Variants in UGT1A6 observed in about 807,000 individuals in gnomAD.
UGT1A6 encodes the protein UDP glucuronosyltransferase family 1 member A6.
Under a neutral mutation model 44.4 loss-of-function variants are expected in UGT1A6, and 32 were observed. The ratio of observed to expected loss-of-function variants is 0.72; its 90% CI spans 0.54 to 0.97. The LOEUF is 0.97. Among genes scored for constraint, UGT1A6 ranks in the 50% least tolerant of loss-of-function variants. The pLI, the probability that UGT1A6 is intolerant of heterozygous loss-of-function variation, is 0.00. For missense variants in UGT1A6, 685 were observed against 661.9 expected, an observed-to-expected ratio of 1.03 and a Z score of -0.38; for synonymous variants, 238 against 248.5, an observed-to-expected ratio of 0.96 and a Z score of 0.40.
At chr2:233,743,706 C>G in intron 1 of UGT1A6, 1 of 1,367,368 alleles carries the variant, frequency 7.3e-7, no homozygotes, top group Non-Finnish European at 9.8e-7. Context: ...TCCGCCCCCG[C>G]CTCGCCATAG....
intron 1 of UGT1A6, among the ~76,000 whole-genome samples, chr2:233,761,928 C>A (rs183537343): frequency 6.6e-6 from 1 of 152,346 alleles, no homozygotes; most frequent in Non-Finnish European, 1.5e-5. Flanking sequence ...AGCCCAGGCA[C>A]TTCCCAGGTG....
At chr2:233,754,520 T>C in intron 1 of UGT1A6, 1 of 365,678 alleles carries the variant, frequency 2.7e-6, no homozygotes, top group East Asian at 7.3e-5. Flanking sequence ...CAGATGTGCT[T>C]AAAGGCAAAT....
At chr2:233,764,847 C>G (rs1361860386) in intron 1 of UGT1A6, among the ~76,000 whole-genome samples, 2 of 147,962 alleles carry the variant, frequency 1.4e-5, no homozygotes, top group Non-Finnish European at 3.0e-5. Flanking sequence ...ATGACTCTGT[C>G]CTCCCTGACT....
chr2:233,693,000 C>G lies in UGT1A6; in HGVS notation c.-5C>G, dbSNP rs879529755. On this transcript the variant is annotated 5_prime_UTR_variant, in exon 1 of 5. Transcript: ENST00000305139. Reference sequence around the variant, plus strand: ...ATTACCGTTGTTACTTTAACTCTTTCCAGGATGGCCTGCCTCCTTCGCTCA... The same window carrying G: ...ATTACCGTTGTTACTTTAACTCTTTGCAGGATGGCCTGCCTCCTTCGCTCA... 4.3e-6 allele frequency: 7 copies of G among 1,613,882 alleles called. No individual in the cohort carries two copies. Among genetic ancestry groups the G allele is most frequent in the Non-Finnish European group, 5.9e-6 (7 of 1,179,994 alleles).
At chr2:233,751,292 A>C (rs1369040584) in intron 1 of UGT1A6, among the ~76,000 whole-genome samples, 1 of 151,886 alleles carries the variant, frequency 6.6e-6, no homozygotes, top group East Asian at 1.9e-4. Flanking sequence ...TCCCATTTGG[A>C]ATGGGAATAT....
intron 1 of UGT1A6, among the ~76,000 whole-genome samples, chr2:233,735,057 C>A (rs1430672120): frequency 1.3e-5 from 2 of 152,160 alleles, no homozygotes; most frequent in African/African-American, 4.8e-5. Flanking sequence ...GAGTTCAGGT[C>A]CTGGATATCC....
At chr2:233,732,882 T>A (rs2078332134) in intron 1 of UGT1A6, among the ~76,000 whole-genome samples, 1 of 152,004 alleles carries the variant, frequency 6.6e-6, no homozygotes, top group African/African-American at 2.4e-5. Context: ...TGGCATTGAA[T>A]CTATAAATTA....
chr2:233,729,302 T>A, intron 1 of UGT1A6: 1 of 1,614,250 alleles, frequency 6.2e-7, no homozygotes, highest in Non-Finnish European at 8.5e-7. Context: ...CACCAGGCAG[T>A]GGTCCTCACC....
At position 233,773,226 on chromosome 2, in the gene UGT1A6, A is replaced by C. The variant is rs989910459; in HGVS notation, c.*667A>C. 2 of 152,382 alleles carry C rather than the reference A, an allele frequency of 1.3e-5. No homozygotes were observed. Among genetic ancestry groups the C allele is most frequent in the Non-Finnish European group, 2.9e-5 (2 of 68,036 alleles). 9.4% of individuals were successfully genotyped at this position (152,382 alleles called of 1,614,324 possible). ...ATAAAAACCCAAAATACAGCTATGA[A>C]GTGCTGGGCAAGTTTACTTTTTTTC... On this transcript the variant is annotated 3_prime_UTR_variant, in exon 5 of 5. Coordinates refer to ENST00000305139, the MANE Select transcript of UGT1A6 (RefSeq NM_001072.4).
At chr2:233,748,959 T>A (rs1217481897) in intron 1 of UGT1A6, among the ~76,000 whole-genome samples, 1 of 151,598 alleles carries the variant, frequency 6.6e-6, no homozygotes, top group African/African-American at 2.4e-5. Flanking sequence ...CACTCCAAGT[T>A]TCTATAGTGG....
In UGT1A6 at chr2:233,725,264, G is replaced by GGCA. The variant is rs1216362118; in HGVS notation, c.861+31400_861+31401insCAG. Among the ~76,000 whole-genome samples the GGCA allele has an allele frequency of 1.9e-4, 11 of 58,536 alleles. 1 individual carries two copies. The highest frequency in any genetic ancestry group is 1.2e-3 in the African/African-American group (9 of 7,624). 38.4% of individuals were successfully genotyped at this position (58,536 alleles called of 152,430 possible). On this transcript the variant is annotated intron_variant, in intron 1 of 4. Transcript: ENST00000305139. ...CAGAGGCAGAGGAGGCAGAGGCAGA[G>GGCA]GAGGCAGAGGCAGAGGCAGAGGCAG...
intron 1 of UGT1A6, chr2:233,729,369 C>T (rs552638090): frequency 1.4e-5 from 23 of 1,613,926 alleles, no homozygotes; most frequent in Non-Finnish European, 1.8e-5. Flanking sequence ...CAACCTATGC[C>T]ATTTCGTGGA....
chr2:233,749,702 A>G (rs7556792), intron 1 of UGT1A6, among the ~76,000 whole-genome samples: 1 of 151,694 alleles, frequency 6.6e-6, no homozygotes, highest in African/African-American at 2.4e-5. Context: ...GTGGGAGGTG[A>G]TTGGATCATG....
chr2:233,755,054 C>T (rs748506326), intron 1 of UGT1A6: 2 of 1,332,588 alleles, frequency 1.5e-6, no homozygotes, highest in Admixed American at 3.8e-5. Context: ...CGCCCTCCGC[C>T]CTCGCCTCGC....
At chr2:233,694,066 G>T (rs969432855) in intron 1 of UGT1A6, among the ~76,000 whole-genome samples, 2 of 152,190 alleles carry the variant, frequency 1.3e-5, no homozygotes, top group Non-Finnish European at 2.9e-5. Flanking sequence ...TGAAGACAGG[G>T]CTCATGCTTG....
intron 1 of UGT1A6, chr2:233,729,461 G>A: frequency 6.2e-7 from 1 of 1,614,132 alleles, no homozygotes; most frequent in South Asian, 1.1e-5. Flanking sequence ...AAATTTTTCA[G>A]AAGTATGGCA....
chr2:233,748,148 C>A, intron 1 of UGT1A6: 1 of 1,604,918 alleles, frequency 6.2e-7, no homozygotes, highest in Non-Finnish European at 8.5e-7. Context: ...TATTTACTTA[C>A]AATTGCTTCC....
chr2:233,692,898 A>G lies in UGT1A6; in HGVS notation c.-107A>G. On this transcript the variant is annotated 5_prime_UTR_variant, in exon 1 of 5. Coordinates refer to ENST00000305139, the MANE Select transcript of UGT1A6 (RefSeq NM_001072.4). ...AAAATTCAGAGCAAGGGAGAGGTAG[A>G]CAGGACCTGTGAAAAGCAGTGGTTA... is the stretch of plus-strand genomic sequence containing the variant. 1 of 1,540,188 alleles carries G rather than the reference A, an allele frequency of 6.5e-7. No individual in the cohort carries two copies. Among genetic ancestry groups the G allele is most frequent in the Non-Finnish European group, 8.7e-7 (1 of 1,149,960 alleles).
At chr2:233,692,827 A>T (rs2075116460), upstream of UGT1A6, 1 of 1,441,400 alleles carries the variant, frequency 6.9e-7, no homozygotes, top group Non-Finnish European at 9.1e-7. Flanking sequence ...TAACCATGTG[A>T]TTAAAATGGT....
Sources: gnomAD v4.1 joint callset for allele counts (sites outside exome capture counted in the v4.1 genomes callset) on GRCh38, gnomAD v4.1.1 for gene constraint, MANE v1.5 for transcripts, NCBI Gene and HGNC (gene_info 2026-07-23, HGNC 2026-07-21) for gene names.